GPC6: variants seen among roughly 807,000 people sequenced by gnomAD.
The protein encoded by GPC6 is glypican-6.
A neutral mutation model predicts 55.2 loss-of-function variants in GPC6; 14 were observed. That is an observed-to-expected ratio of 0.25 (90% CI 0.17 to 0.40). GPC6 has a LOEUF of 0.40. GPC6 is among the 10% of genes least tolerant of loss of function. The probability of loss-of-function intolerance (pLI) is 1.00; values close to 1 mark genes in which losing one functional copy is unlikely to be tolerated. For synonymous variants in GPC6, 278 were observed against 259.6 expected (o/e 1.07, Z -0.68); for missense variants, 641 against 708.5 (o/e 0.90, Z 1.08).
intron 6 of GPC6, among the ~76,000 whole-genome samples, chr13:94,340,843 C>T (rs576015108): frequency 3.9e-5 from 6 of 152,310 alleles, no homozygotes; most frequent in South Asian, 2.1e-4. Flanking sequence ...ATATTTAATA[C>T]ATTTCTGTAT....
chr13:93,474,332 A>G (rs940238799), intron 1 of GPC6, among the ~76,000 whole-genome samples: 14 of 152,152 alleles, frequency 9.2e-5, no homozygotes, highest in South Asian at 4.1e-4. Context: ...GCTGAATAGG[A>G]TCAAGTCTAC....
intron 6 of GPC6, among the ~76,000 whole-genome samples, chr13:94,372,023 C>A (rs994553633): frequency 6.6e-6 from 1 of 152,138 alleles, no homozygotes; most frequent in African/African-American, 2.4e-5. Flanking sequence ...ATCCAGGAGT[C>A]AGTTTCTCTT....
intron 3 of GPC6, among the ~76,000 whole-genome samples, chr13:93,994,435 C>CT (rs1881446563): frequency 6.6e-6 from 1 of 152,068 alleles, no homozygotes; most frequent in Non-Finnish European, 1.5e-5. Flanking sequence ...TTATTTGTTC[C>CT]TATAGAGCAC....
chr13:93,444,936 G>A (rs1877946060), intron 1 of GPC6, among the ~76,000 whole-genome samples: 1 of 152,142 alleles, frequency 6.6e-6, no homozygotes, highest in East Asian at 1.9e-4. Flanking sequence ...CACTGAGTAT[G>A]GAACTTAGCA....
intron 1 of GPC6, among the ~76,000 whole-genome samples, chr13:93,236,962 T>G (rs2139009784): frequency 6.6e-6 from 1 of 152,372 alleles, no homozygotes; most frequent in Middle Eastern, 3.4e-3. Context: ...TTTTATCCAC[T>G]TATTGTTTCA....
chr13:93,518,856 C>T (rs1881304940), intron 1 of GPC6, among the ~76,000 whole-genome samples: 1 of 151,910 alleles, frequency 6.6e-6, no homozygotes, highest in Admixed American at 6.6e-5. Flanking sequence ...TGTAAGACAT[C>T]AGTATAAAAG....
rs899553345 is a variant in GPC6 at position 94,407,946 on chromosome 13, G to A, written c.*4729G>A. Among the ~76,000 whole-genome samples the A allele has an allele frequency of 6.6e-6, 1 of 152,098 alleles. No individual in the cohort carries two copies. The highest frequency in any genetic ancestry group is 6.6e-5 in the Admixed American group (1 of 15,264). The stretch of plus-strand genomic sequence containing the variant: ...TGAAAATTATTCATTCCTTAATGCA[G>A]CTAATCATAATTATTACAGATAAAT... On this transcript the variant is annotated 3_prime_UTR_variant, in exon 9 of 9. Coordinates refer to ENST00000377047, the MANE Select transcript of GPC6 (RefSeq NM_005708.5).
chr13:93,919,944 C>A lies in GPC6; in HGVS notation c.711+89399C>A, dbSNP rs143272553. Among the ~76,000 whole-genome samples the A allele has an allele frequency of 1.4e-3, 211 of 152,314 alleles. 2 individuals carry two copies. The highest frequency in any genetic ancestry group is 5.0e-3 in the African/African-American group (209 of 41,568). ...CGTAGACACGCACTCACTCCACAAA[C>A]TTCCTGTCTTTCTCTCCTCTGTTTC... On this transcript the variant is annotated intron_variant, in intron 3 of 8. Transcript: ENST00000377047.
intron 1 of GPC6, among the ~76,000 whole-genome samples, chr13:93,540,563 A>C: frequency 6.6e-6 from 1 of 152,198 alleles, no homozygotes; most frequent in Non-Finnish European, 1.5e-5. Flanking sequence ...GCATAAAATA[A>C]TTATACAATT....
chr13:93,228,900 G>A (rs1334534026), intron 1 of GPC6, among the ~76,000 whole-genome samples: 1 of 152,186 alleles, frequency 6.6e-6, no homozygotes, highest in African/African-American at 2.4e-5. Context: ...AGCTGTAGAA[G>A]TGAGGGTTTT....
At chr13:94,310,290 A>G (rs954637102) in intron 6 of GPC6, among the ~76,000 whole-genome samples, 1 of 152,160 alleles carries the variant, frequency 6.6e-6, no homozygotes, top group African/African-American at 2.4e-5. Flanking sequence ...TTAAAAAAAA[A>G]GCCAGGTTTG....
chr13:93,271,107 A>C (rs759488882), intron 1 of GPC6, among the ~76,000 whole-genome samples: 1 of 152,152 alleles, frequency 6.6e-6, no homozygotes, highest in African/African-American at 2.4e-5. Context: ...TCCTACTTCT[A>C]ATAATCATTC....
intron 3 of GPC6, among the ~76,000 whole-genome samples, chr13:93,870,914 A>T (rs1889113146): frequency 6.6e-6 from 1 of 151,888 alleles, no homozygotes; most frequent in Non-Finnish European, 1.5e-5. Flanking sequence ...GTCACCACAC[A>T]TGGCCTCTAT....
At chr13:93,457,000 C>T (rs536535680) in intron 1 of GPC6, among the ~76,000 whole-genome samples, 131 of 152,224 alleles carry the variant, frequency 8.6e-4, no homozygotes, top group African/African-American at 2.6e-3. Flanking sequence ...TCACCAGATC[C>T]GATGATTTTA....
At chr13:93,476,952 T>G (rs560567356) in intron 1 of GPC6, among the ~76,000 whole-genome samples, 1 of 152,306 alleles carries the variant, frequency 6.6e-6, no homozygotes, top group South Asian at 2.1e-4. Context: ...CATTATGTTA[T>G]AATCCACTTA....
At chr13:93,984,656 T>A (rs1880947283) in intron 3 of GPC6, among the ~76,000 whole-genome samples, 1 of 152,212 alleles carries the variant, frequency 6.6e-6, no homozygotes, top group Non-Finnish European at 1.5e-5. Flanking sequence ...CTTTCATTTT[T>A]GTTAAAGAAT....
intron 1 of GPC6, among the ~76,000 whole-genome samples, chr13:93,441,308 C>G (rs1877789383): frequency 6.6e-6 from 1 of 152,212 alleles, no homozygotes. Flanking sequence ...TACAGTCCCA[C>G]CAACAGTGTA....
At chr13:94,022,223 C>T (rs1399189920) in intron 3 of GPC6, among the ~76,000 whole-genome samples, 2 of 151,944 alleles carry the variant, frequency 1.3e-5, no homozygotes, top group African/African-American at 4.8e-5. Flanking sequence ...TCATCCTTGA[C>T]TTATATATCC....
intron 1 of GPC6, among the ~76,000 whole-genome samples, chr13:93,400,701 A>G (rs1482615354): frequency 6.6e-6 from 1 of 152,192 alleles, no homozygotes; most frequent in Non-Finnish European, 1.5e-5. Context: ...AAAATATCTC[A>G]TGTACCTCGT....
Sources: gnomAD v4.1 joint callset for allele counts (sites outside exome capture counted in the v4.1 genomes callset) on GRCh38, gnomAD v4.1.1 for gene constraint, MANE v1.5 for transcripts, NCBI Gene and HGNC (gene_info 2026-07-23, HGNC 2026-07-21) for gene names.